MGAT5: variants seen among roughly 807,000 people sequenced by gnomAD.
MGAT5 encodes alpha-1,6-mannosylglycoprotein 6-beta-N-acetylglucosaminyltransferase, also known as alpha-1,6-mannosylglycoprotein 6-beta-N-acetylglucosaminyltransferase A.
A neutral mutation model predicts 94.3 loss-of-function variants in MGAT5; 30 were observed. The observed-to-expected ratio is 0.32, with a 90% confidence interval of 0.24 to 0.43. The LOEUF (loss-of-function observed/expected upper bound fraction) is 0.43, where lower values mean the gene tolerates loss of function less well. Among genes scored for constraint, MGAT5 ranks in the 20% least tolerant of loss-of-function variants. The pLI, the probability that MGAT5 is intolerant of heterozygous loss-of-function variation, is 1.00. For synonymous variants in MGAT5, 310 were observed against 322.9 expected (o/e 0.96, Z 0.43); for missense variants, 691 against 905.5 (o/e 0.76, Z 3.04).
At chr2:134,241,232 C>T (rs990213669) in intron 1 of MGAT5, among the ~76,000 whole-genome samples, 8 of 152,232 alleles carry the variant, frequency 5.3e-5, no homozygotes, top group Admixed American at 3.3e-4. Flanking sequence ...CTGTCCTTCC[C>T]GCTCTGGGAG....
chr2:134,223,657 G>A (rs367649519), intron 1 of MGAT5, among the ~76,000 whole-genome samples: 3 of 150,450 alleles, frequency 2.0e-5, no homozygotes, highest in African/African-American at 5.0e-5. Flanking sequence ...TTTTACCCTC[G>A]AAACAGTTTT....
At chr2:134,260,880 G>C (rs761284480) in intron 1 of MGAT5, among the ~76,000 whole-genome samples, 9 of 152,012 alleles carry the variant, frequency 5.9e-5, no homozygotes, top group Admixed American at 2.0e-4. Flanking sequence ...ACTGTATGGT[G>C]ACGTGGCTGG....
intron 4 of MGAT5, among the ~76,000 whole-genome samples, chr2:134,330,450 C>G (rs749621205): frequency 1.6e-4 from 25 of 152,084 alleles, no homozygotes; most frequent in Admixed American, 1.3e-4. Flanking sequence ...CTGCCACTCA[C>G]TAGAGAAGTT....
At position 134,270,459 on chromosome 2, in the gene MGAT5, C is replaced by A; in HGVS notation, c.315C>A (p.Asp105Glu). Residue 105 changes from aspartate to glutamate, a missense_variant, in exon 2 of 16, where the codon GAC (aspartate) becomes GAA (glutamate). Physicochemically the swap from Asp to Glu is conservative, Grantham distance 45 (BLOSUM62 2). This residue lies in a region of MGAT5 where 307 missense variants were observed against 335.4 expected (regional missense o/e 0.92). Transcript: ENST00000281923. ...QRIGKLESKV[D>E]NLVVNGTGTN... ...TTGGCAAGTTGGAGTCGAAGGTGGA[C>A]AATCTTGTTGTCAATGGCACCGGAA... 1 of 1,614,176 alleles carries A rather than the reference C, an allele frequency of 6.2e-7. No individual in the cohort carries two copies. The highest frequency in any genetic ancestry group is 1.7e-5 in the Admixed American group (1 of 60,026).
At chr2:134,325,889 C>G (rs918274982) in intron 4 of MGAT5, among the ~76,000 whole-genome samples, 1 of 152,190 alleles carries the variant, frequency 6.6e-6, no homozygotes, top group South Asian at 2.1e-4. Context: ...GTTGCATAAC[C>G]TGGCTCTTTG....
chr2:134,178,201 G>A (rs144453597), intron 1 of MGAT5, among the ~76,000 whole-genome samples: 144 of 152,150 alleles, frequency 9.5e-4, no homozygotes, highest in African/African-American at 3.3e-3. Context: ...TCTAAAAATT[G>A]CTTCTAGAGC....
intron 2 of MGAT5, among the ~76,000 whole-genome samples, chr2:134,292,803 C>T (rs1249010824): frequency 2.6e-5 from 4 of 152,180 alleles, no homozygotes; most frequent in Non-Finnish European, 5.9e-5. Flanking sequence ...AGACTCTCAA[C>T]GACATACAGA....
chr2:134,435,163 C>A, intron 14 of MGAT5, among the ~76,000 whole-genome samples: 1 of 152,148 alleles, frequency 6.6e-6, no homozygotes, highest in Non-Finnish European at 1.5e-5. Context: ...CAGTGTCTTC[C>A]ATCTTACTTC....
intron 1 of MGAT5, among the ~76,000 whole-genome samples, chr2:134,207,202 G>A (rs996952624): frequency 1.2e-4 from 18 of 151,904 alleles, no homozygotes; most frequent in Non-Finnish European, 2.2e-4. Flanking sequence ...TCCCTCTTCC[G>A]CATTTAAGGA....
At chr2:134,256,857 C>T (rs1027659828) in intron 1 of MGAT5, among the ~76,000 whole-genome samples, 1 of 152,186 alleles carries the variant, frequency 6.6e-6, no homozygotes, top group Non-Finnish European at 1.5e-5. Context: ...TCTCTTTCAT[C>T]GAATCAACTT....
At chr2:134,189,591 A>ATTTTTTTTTTTTTTT (rs1689215447) in intron 1 of MGAT5, among the ~76,000 whole-genome samples, 2 of 26,612 alleles carry the variant, frequency 7.5e-5, no homozygotes, top group Non-Finnish European at 1.4e-4. Context: ...TCATGGCTCT[A>ATTTTTTTTTTTTTTT]GTTTTTTTTT....
intron 12 of MGAT5, among the ~76,000 whole-genome samples, chr2:134,416,626 G>C (rs990376288): frequency 1.3e-5 from 2 of 151,616 alleles, no homozygotes; most frequent in Non-Finnish European, 2.9e-5. Flanking sequence ...TGTGTGCCAC[G>C]ACACCTCGCT....
intron 11 of MGAT5, among the ~76,000 whole-genome samples, chr2:134,407,109 C>T (rs1683386225): frequency 6.6e-6 from 1 of 152,172 alleles, no homozygotes; most frequent in South Asian, 2.1e-4. Context: ...CTCGTATACC[C>T]TGCGCCTAGA....
intron 2 of MGAT5, among the ~76,000 whole-genome samples, chr2:134,296,699 C>T (rs113942666): frequency 2.6e-5 from 4 of 151,872 alleles, no homozygotes; most frequent in Admixed American, 2.6e-4. Context: ...TGTTATTTTA[C>T]TTTGTTAAGA....
At chr2:134,409,235 T>A (rs1457770987) in intron 11 of MGAT5, among the ~76,000 whole-genome samples, 7 of 152,242 alleles carry the variant, frequency 4.6e-5, no homozygotes, top group African/African-American at 1.7e-4. Context: ...TTCCATGTAC[T>A]ATCTCATGTA....
chr2:134,202,979 G>C (rs1679870408), intron 1 of MGAT5, among the ~76,000 whole-genome samples: 1 of 152,154 alleles, frequency 6.6e-6, no homozygotes, highest in Non-Finnish European at 1.5e-5. Flanking sequence ...CCAGATCTTT[G>C]TACCTGTTGG....
At chr2:134,122,583 C>A (rs938857216) in intron 1 of MGAT5, among the ~76,000 whole-genome samples, 1 of 152,208 alleles carries the variant, frequency 6.6e-6, no homozygotes, top group Non-Finnish European at 1.5e-5. Flanking sequence ...GACTGTTTCA[C>A]CCTTTGTAGG....
chr2:134,442,058 G>T (rs148148769), intron 15 of MGAT5, 143 bp downstream of exon 15: 4 of 911,370 alleles, frequency 4.4e-6, no homozygotes, highest in Non-Finnish European at 6.7e-6. Flanking sequence ...GGTTGCAGCA[G>T]GATCCCCCTA....
At chr2:134,311,270 T>G (rs1442796478) in intron 2 of MGAT5, among the ~76,000 whole-genome samples, 1 of 152,184 alleles carries the variant, frequency 6.6e-6, no homozygotes, top group East Asian at 1.9e-4. Flanking sequence ...TTCTTTCCTT[T>G]TTTTAACCTT....
Sources: gnomAD v4.1 joint callset for allele counts (sites outside exome capture counted in the v4.1 genomes callset) on GRCh38, gnomAD v4.1.1 for gene constraint, gnomAD v4.1.1 regional missense constraint, MANE v1.5 for transcripts, NCBI Gene and HGNC (gene_info 2026-07-23, HGNC 2026-07-21) for gene names.